TOMM70: variants seen among roughly 807,000 people sequenced by gnomAD.
TOMM70 encodes mitochondrial import receptor subunit TOM70.
In TOMM70, 13 loss-of-function variants were observed where a neutral mutation model predicts 73.6. That is an observed-to-expected ratio of 0.18 (90% CI 0.11 to 0.28). The LOEUF (loss-of-function observed/expected upper bound fraction) is 0.28. Among genes scored for constraint, TOMM70 ranks in the 10% least tolerant of loss-of-function variants. TOMM70 has a pLI of 1.00. For synonymous variants in TOMM70, 257 were observed against 271.2 expected (o/e 0.95, Z 0.51); for missense variants, 609 against 747.5 (o/e 0.81, Z 2.16).
At chr3:100,398,265 T>C (rs1706847417) in intron 1 of TOMM70, among the ~76,000 whole-genome samples, 1 of 151,386 alleles carries the variant, frequency 6.6e-6, no homozygotes, top group Non-Finnish European at 1.5e-5. Context: ...ATGCCTGTAA[T>C]CCCAGCTACT....
chr3:100,391,736 T>TA (rs1248701852), intron 1 of TOMM70, among the ~76,000 whole-genome samples: 3 of 152,144 alleles, frequency 2.0e-5, no homozygotes, highest in Admixed American at 6.6e-5. Flanking sequence ...TAAAAAAAGT[T>TA]AAAAAAATTT....
At chr3:100,400,009 A>T (rs1333238705) in intron 1 of TOMM70, among the ~76,000 whole-genome samples, 1 of 152,096 alleles carries the variant, frequency 6.6e-6, no homozygotes, top group African/African-American at 2.4e-5. Context: ...TGGGAGCTTG[A>T]CAGTTCTGCT....
chr3:100,374,981 C>T (rs1201554250), intron 7 of TOMM70, 37 bp downstream of exon 7: 1 of 1,512,662 alleles, frequency 6.6e-7, no homozygotes, highest in Non-Finnish European at 8.9e-7. Context: ...AAAGCTCAAT[C>T]CACAAGTCAG....
chr3:100,371,259 AT>A (rs61515802), intron 9 of TOMM70, among the ~76,000 whole-genome samples: 2,319 of 98,638 alleles, frequency 0.024, 29 homozygotes, highest in African/African-American at 0.063. Context: ...CAGCGATGGT[AT>A]TTTTTTTTTT....
At chr3:100,383,536 A>C (rs915468658) in intron 4 of TOMM70, among the ~76,000 whole-genome samples, 1 of 149,440 alleles carries the variant, frequency 6.7e-6, no homozygotes, top group Admixed American at 6.7e-5. Flanking sequence ...AAAAAAAAAA[A>C]CAGAGAGAGA....
chr3:100,394,485 T>C (rs1016617193), intron 1 of TOMM70, among the ~76,000 whole-genome samples: 2 of 150,928 alleles, frequency 1.3e-5, no homozygotes, highest in East Asian at 1.9e-4. Context: ...CAATACTTAT[T>C]GACCAATTGT....
chr3:100,387,601 C>CACAGACACAG (rs1457494380), intron 1 of TOMM70, among the ~76,000 whole-genome samples: 5 of 107,978 alleles, frequency 4.6e-5, no homozygotes, highest in African/African-American at 1.7e-4. Flanking sequence ...CAGACACAGA[C>CACAGACACAG]ACACACACAC....
intron 6 of TOMM70, among the ~76,000 whole-genome samples, chr3:100,376,383 T>TTTTTTTTTC (rs1337823143): frequency 1.3e-5 from 2 of 150,392 alleles, no homozygotes; most frequent in African/African-American, 5.0e-5. Flanking sequence ...TTTTTTTTTT[T>TTTTTTTTTC]TGAGACAGGA....
At chr3:100,379,006 C>CAAATAAATAAAT (rs145132790) in intron 5 of TOMM70, among the ~76,000 whole-genome samples, 157 of 148,868 alleles carry the variant, frequency 1.1e-3, no homozygotes, top group Middle Eastern at 3.4e-3. Flanking sequence ...GACTCCGTCT[C>CAAATAAATAAAT]AAATAAATAA....
intron 1 of TOMM70, among the ~76,000 whole-genome samples, chr3:100,396,346 T>C (rs142056021): frequency 9.8e-5 from 15 of 152,340 alleles, no homozygotes; most frequent in African/African-American, 3.6e-4. Context: ...AACCATTTCA[T>C]GTGGGCTAAA....
rs770502384 is a variant in TOMM70 at position 100,386,900 on chromosome 3, G to A, written c.403C>T (p.Gln135Ter). ...AAGCTAATAGCCTCAGTATAGCACTGAATAGCTTGTTCATATTTTCCTGCT... is the reference window on the plus strand; with the variant it reads ...AAGCTAATAGCCTCAGTATAGCACTAAATAGCTTGTTCATATTTTCCTGCT... The part of the protein sequence containing the change: ...FKAGKYEQAI[Q>*]CYTEAISLCP... Residue 135 changes from glutamine (Q) to a stop codon, truncating the protein, a stop_gained, in exon 2 of 12, where the codon CAG (glutamine) becomes TAG (stop). Transcript: ENST00000284320. LOFTEE classifies it high-confidence loss of function. 1 of 1,614,096 alleles carries A rather than the reference G, an allele frequency of 6.2e-7. No individual in the cohort carries two copies. Among genetic ancestry groups the A allele is most frequent in the Non-Finnish European group, 8.5e-7 (1 of 1,179,988 alleles).
chr3:100,386,458 A>G, intron 2 of TOMM70, 114 bp from the exon 3 acceptor site: 1 of 1,132,012 alleles, frequency 8.8e-7, no homozygotes, highest in Non-Finnish European at 1.2e-6. Context: ...AAGTATTCCT[A>G]ATACAAAGAG....
At chr3:100,389,569 A>T (rs1033820035) in intron 1 of TOMM70, among the ~76,000 whole-genome samples, 1 of 152,114 alleles carries the variant, frequency 6.6e-6, no homozygotes, top group Admixed American at 6.5e-5. Context: ...ATTTTTTTTT[A>T]AAAAAGGAAT....
chr3:100,365,588 G>A lies in TOMM70; in HGVS notation c.1803C>T (p.Tyr601=), dbSNP rs277644. The change falls in exon 12 of 12, where the codon TAC becomes TAT. Residue 601 remains tyrosine (Y), a synonymous_variant. Transcript: ENST00000284320. ...AHAQTEVAKK[Y]GLKPPTL is the part of the protein sequence containing the mutation. ...TTTATAATGTTGGTGGTTTTAATCC[G>A]TATTTCTTTGCAACTTCTGTCTGGG... 123,720 of 1,614,040 alleles carry A rather than the reference G, an allele frequency of 0.077. 12,862 individuals are homozygous for A. Among genetic ancestry groups the A allele is most frequent in the East Asian group, 0.46 (20,848 of 44,872 alleles).
Position 100,386,955 on chromosome 3 carries a change from T to C in TOMM70, c.348A>G (p.Ala116=). The C allele has an allele frequency of 6.2e-7, 1 of 1,613,982 alleles. No individual in the cohort carries two copies. Among genetic ancestry groups the C allele is most frequent in the Non-Finnish European group, 8.5e-7 (1 of 1,179,976 alleles). The change falls in exon 2 of 12, where the codon GCA becomes GCG. Residue 116 remains alanine, a synonymous_variant. Transcript: ENST00000284320. ...AATATTTATTGCCTTTATTCTTGGC[T>C]GCTTGGGCTCTATCAAGAGAGTTCT... ...LDMNSLDRAQ[A]AKNKGNKYFK...
At position 100,365,384 on chromosome 3, in the gene TOMM70, A is replaced by C; in HGVS notation, c.*180T>G. 1.2e-6 allele frequency: 1 copy of C among 817,508 alleles called. No homozygotes were observed. The highest frequency in any genetic ancestry group is 1.7e-5 in the African/African-American group (1 of 58,446). The allele number at this position is 817,508 out of a possible 1,614,324, so 50.6% of individuals were successfully genotyped here. A position where few individuals can be genotyped will look rare whatever the true frequency, so the allele number is the denominator to read the frequency against. ...CAGGGAATAAAAGCTGCAAGACTGC[A>C]AACTTCCTTCAACAGCCACACCCAC... On this transcript the variant is annotated 3_prime_UTR_variant, in exon 12 of 12. Coordinates refer to ENST00000284320, the MANE Select transcript of TOMM70 (RefSeq NM_014820.5).
intron 4 of TOMM70, 78 bp downstream of exon 4, chr3:100,384,401 G>T: frequency 2.0e-6 from 2 of 1,000,334 alleles, no homozygotes; most frequent in Non-Finnish European, 1.5e-6. Context: ...CTATGCCTAA[G>T]CTTAAGCAGC....
intron 6 of TOMM70, among the ~76,000 whole-genome samples, chr3:100,376,111 GTGGTTT>G (rs2148890344): frequency 6.6e-6 from 1 of 152,198 alleles, no homozygotes; most frequent in East Asian, 1.9e-4. Context: ...GCATCTCATG[GTGGTTT>G]TGGTTTGCAT....
intron 5 of TOMM70, among the ~76,000 whole-genome samples, chr3:100,379,510 C>A (rs1311438751): frequency 6.6e-6 from 1 of 152,128 alleles, no homozygotes; most frequent in Non-Finnish European, 1.5e-5. Context: ...CACTTAGAGT[C>A]CCAGCTACGC....
Sources: allele counts gnomAD v4.1 joint callset (sites outside exome capture counted in the v4.1 genomes callset), GRCh38; gene constraint gnomAD v4.1.1; transcripts MANE v1.5; gene names NCBI Gene and HGNC (gene_info 2026-07-23, HGNC 2026-07-21).